The following EVI5 variants were observed in gnomAD, a reference collection of about 807,000 sequenced individuals.
EVI5 encodes the protein ecotropic viral integration site 5.
In EVI5, 73 loss-of-function variants were observed where a neutral mutation model predicts 112.0. The observed-to-expected ratio is 0.65, with a 90% CI of 0.54 to 0.79. EVI5 has a LOEUF of 0.79. Among genes scored for constraint, EVI5 ranks in the 30% least tolerant of loss-of-function variants. EVI5 has a pLI of 0.00. For synonymous variants in EVI5, 305 were observed against 319.9 expected (o/e 0.95, Z 0.50); for missense variants, 900 against 968.8 (o/e 0.93, Z 0.94).
At chr1:92,784,432 CAG>C in intron 1 of EVI5, 2 of 985,348 alleles carry the variant, frequency 2.0e-6, no homozygotes, top group Non-Finnish European at 2.4e-6. Flanking sequence ...CTTTGCAAGT[CAG>C]GGGGGCGAGT....
In EVI5 at chr1:92,547,775, C is replaced by T. The variant is rs548362980; in HGVS notation, c.2166+15867G>A. 2.7e-5 allele frequency among the ~76,000 whole-genome samples: 4 copies of T among 150,180 alleles called. No homozygotes were observed. The South Asian group carries it at 6.4e-4, about 24-fold the overall frequency. Reference sequence around the variant, plus strand: ...AAATGGATAAGTTCCTGGACACATACACCTTCCCAAGACTAAATCAGGAAG... The same window carrying T: ...AAATGGATAAGTTCCTGGACACATATACCTTCCCAAGACTAAATCAGGAAG... On this transcript the variant is annotated intron_variant, in intron 19 of 19. Coordinates refer to ENST00000684568, the MANE Select transcript of EVI5 (RefSeq NM_001350197.2).
intron 1 of EVI5, chr1:92,784,341 G>T: frequency 1.0e-6 from 1 of 985,338 alleles, no homozygotes; most frequent in Non-Finnish European, 1.2e-6. Context: ...GTTCATTCTG[G>T]ACCTGGCACA....
chr1:92,532,814 A>G (rs1201108206), intron 19 of EVI5, among the ~76,000 whole-genome samples: 1 of 152,186 alleles, frequency 6.6e-6, no homozygotes, highest in East Asian at 1.9e-4. Context: ...TAGCACCTAA[A>G]TGCCTACAAG....
intron 6 of EVI5, among the ~76,000 whole-genome samples, chr1:92,696,223 C>T (rs183702986): frequency 1.3e-5 from 2 of 152,162 alleles, no homozygotes; most frequent in Non-Finnish European, 2.9e-5. Context: ...TGGGCCACTG[C>T]GTCCAGCCAT....
intron 19 of EVI5, among the ~76,000 whole-genome samples, chr1:92,547,766 G>A (rs1039998438): frequency 6.6e-6 from 1 of 152,112 alleles, no homozygotes; most frequent in African/African-American, 2.4e-5. Flanking sequence ...ATAAGTTCCT[G>A]GACACATACA....
intron 16 of EVI5, among the ~76,000 whole-genome samples, chr1:92,623,527 T>C (rs1350709454): frequency 6.6e-6 from 1 of 152,002 alleles, no homozygotes; most frequent in Non-Finnish European, 1.5e-5. Context: ...CCTTTGCAGA[T>C]CTTAAGTATA....
rs953434853 is a variant in EVI5, at chr1:92,681,355, C to A, written c.1098-4137G>T. Among the ~76,000 whole-genome samples, 3 of 152,108 alleles carry A rather than the reference C, an allele frequency of 2.0e-5. No individual in the cohort carries two copies. In the South Asian group the frequency reaches 6.2e-4, roughly 31 times the overall value. Reference sequence around the variant, plus strand: ...CACACACACACTATATTTATATACGCATACAGAGGAGAGAGGATAATAAAG... The same window carrying A: ...CACACACACACTATATTTATATACGAATACAGAGGAGAGAGGATAATAAAG... On this transcript the variant is annotated intron_variant, in intron 9 of 19. Coordinates refer to ENST00000684568, the MANE Select transcript of EVI5 (RefSeq NM_001350197.2).
chr1:92,752,175 T>C (rs1313976273), intron 1 of EVI5, among the ~76,000 whole-genome samples: 3 of 152,184 alleles, frequency 2.0e-5, no homozygotes, highest in African/African-American at 7.2e-5. Flanking sequence ...AGCCCCTTAG[T>C]TGTGAAAATT....
intron 1 of EVI5, among the ~76,000 whole-genome samples, chr1:92,779,843 A>G (rs1684632812): frequency 6.6e-6 from 1 of 152,210 alleles, no homozygotes; most frequent in African/African-American, 2.4e-5. Context: ...TCCCAGGTAT[A>G]GGGTCAGTGG....
intron 19 of EVI5, among the ~76,000 whole-genome samples, chr1:92,523,954 T>C (rs999134481): frequency 1.3e-5 from 2 of 151,892 alleles, no homozygotes; most frequent in Admixed American, 1.3e-4. Context: ...GGTGTAGTGG[T>C]GCATGCCTGT....
chr1:92,561,554 ACTAT>A (rs780599148), intron 19 of EVI5, among the ~76,000 whole-genome samples: 11,088 of 127,182 alleles, frequency 0.087, 587 homozygotes, highest in Non-Finnish European at 0.11. Flanking sequence ...GATGAGACTG[ACTAT>A]CTATCTATCT....
At chr1:92,575,702 T>G (rs1017743182) in intron 18 of EVI5, among the ~76,000 whole-genome samples, 1 of 151,514 alleles carries the variant, frequency 6.6e-6, no homozygotes, top group African/African-American at 2.4e-5. Flanking sequence ...TAGCTGGAAG[T>G]ACAGGCATGC....
chr1:92,683,754 T>G (rs1667996401), intron 9 of EVI5, among the ~76,000 whole-genome samples: 1 of 152,054 alleles, frequency 6.6e-6, no homozygotes, highest in Admixed American at 6.5e-5. Flanking sequence ...AAGAACTTCG[T>G]GACACATGCA....
At chr1:92,546,034 C>A (rs955495452) in intron 19 of EVI5, among the ~76,000 whole-genome samples, 1 of 152,020 alleles carries the variant, frequency 6.6e-6, no homozygotes, top group Non-Finnish European at 1.5e-5. Context: ...CAGTACTGCC[C>A]ACACGAACTG....
intron 18 of EVI5, among the ~76,000 whole-genome samples, chr1:92,601,452 AC>A (rs1285261809): frequency 6.6e-6 from 1 of 152,238 alleles, no homozygotes; most frequent in Non-Finnish European, 1.5e-5. Context: ...CATGCAACCA[AC>A]CTAAATGTCC....
At chr1:92,547,075 C>G (rs1187353702) in intron 19 of EVI5, among the ~76,000 whole-genome samples, 1 of 152,164 alleles carries the variant, frequency 6.6e-6, no homozygotes. Flanking sequence ...ACACTTATTC[C>G]AAAATTGACC....
chr1:92,670,822 C>T (rs919994123), intron 10 of EVI5, among the ~76,000 whole-genome samples: 3 of 152,044 alleles, frequency 2.0e-5, no homozygotes, highest in African/African-American at 7.2e-5. Context: ...CTCCCAAAAC[C>T]ACATCCTACA....
intron 2 of EVI5, among the ~76,000 whole-genome samples, chr1:92,706,392 G>T (rs1281700770): frequency 6.6e-6 from 1 of 152,136 alleles, no homozygotes; most frequent in Non-Finnish European, 1.5e-5. Flanking sequence ...AATTGTAAAT[G>T]CAATAAAGAA....
At chr1:92,676,882 T>C (rs1367150162) in intron 10 of EVI5, among the ~76,000 whole-genome samples, 2 of 152,174 alleles carry the variant, frequency 1.3e-5, no homozygotes, top group African/African-American at 4.8e-5. Context: ...TTAAAAAACA[T>C]GCTTAAATGG....
Sources: allele counts gnomAD v4.1 joint callset (sites outside exome capture counted in the v4.1 genomes callset), GRCh38; gene constraint gnomAD v4.1.1; transcripts MANE v1.5; gene names NCBI Gene and HGNC (gene_info 2026-07-23, HGNC 2026-07-21).